Variants in CHRNA6 observed in about 807,000 individuals in gnomAD.
The protein encoded by CHRNA6 is cholinergic receptor nicotinic alpha 6 subunit.
CHRNA6 carries 31 observed loss-of-function variants against 40.9 expected under a neutral mutation model. The observed-to-expected ratio is 0.76, with a 90% CI of 0.57 to 1.02. CHRNA6 has a LOEUF of 1.02. Ranked by LOEUF, CHRNA6 falls within the 50% of genes least tolerant of loss-of-function variation. The probability of loss-of-function intolerance (pLI) is 0.00; values close to 1 mark genes in which losing one functional copy is unlikely to be tolerated. For missense variants in CHRNA6, 546 were observed against 596.6 expected, an observed-to-expected ratio of 0.92 and a Z score of 0.88; for synonymous variants, 222 against 221.3, an observed-to-expected ratio of 1.00 and a Z score of -0.03.
rs920688753 is a variant in CHRNA6 at position 42,760,245 on chromosome 8, T to C, written c.220-1132A>G. 2.6e-5 allele frequency among the ~76,000 whole-genome samples: 4 copies of C among 151,468 alleles called. No individual in the cohort carries two copies. The East Asian group carries it at 7.8e-4, about 30-fold the overall frequency. On this transcript the variant is annotated intron_variant, in intron 2 of 5. Coordinates refer to ENST00000276410, the MANE Select transcript of CHRNA6 (RefSeq NM_004198.3). The stretch of plus-strand genomic sequence containing the variant: ...CACGCACACTCATACACACGCACAC[T>C]CATGCACACTCACACACTCATGCAC...
At position 42,767,258 on chromosome 8, in the gene CHRNA6, C is replaced by T. The variant is rs535590522; in HGVS notation, c.79+1094G>A. On this transcript the variant is annotated intron_variant, in intron 1 of 5. Coordinates refer to ENST00000276410, the MANE Select transcript of CHRNA6 (RefSeq NM_004198.3). Reference sequence around the variant, plus strand: ...CTGGGATTACAGGCATGAGCCACCGCGCCCTGCCACTTGAAACATTTTTAA... The same window carrying T: ...CTGGGATTACAGGCATGAGCCACCGTGCCCTGCCACTTGAAACATTTTTAA... 8.0e-4 allele frequency among the ~76,000 whole-genome samples: 122 copies of T among 152,208 alleles called. 2 individuals carry two copies. The highest frequency in any genetic ancestry group is 1.9e-3 in the Admixed American group (29 of 15,286).
At position 42,757,016 on chromosome 8, in the gene CHRNA6, G is replaced by T; in HGVS notation, c.286C>A (p.Arg96Ser). The T allele has an allele frequency of 3.7e-6, 6 of 1,611,238 alleles. No homozygotes were observed. The highest frequency in any genetic ancestry group is 5.1e-6 in the Non-Finnish European group (6 of 1,177,526). ...CCATCATATTCCATTGGATCCCAGC[G>T]CAATTTATAATCATTCCAGATCTAA... ...LRHIWNDYKL[R>S]WDPMEYDGIE... Residue 96 changes from arginine to serine, a missense_variant, in exon 4 of 6, where the codon CGC becomes AGC. Transcript: ENST00000276410.
intron 2 of CHRNA6, 187 bp downstream of exon 2, chr8:42,764,878 A>G (rs758160280): frequency 4.8e-5 from 29 of 606,836 alleles, no homozygotes; most frequent in Non-Finnish European, 7.9e-5. Context: ...AAGCACTTCC[A>G]GGAAAAACAC....
intron 2 of CHRNA6, 167 bp downstream of exon 2, chr8:42,764,898 C>T (rs796809234): frequency 1.9e-5 from 13 of 668,272 alleles, no homozygotes; most frequent in Admixed American, 1.2e-4. Flanking sequence ...CTGCCTCACA[C>T]AGACAGTTAC....
rs754696130 is a variant in CHRNA6 at position 42,768,399 on chromosome 8, T to C, written c.32A>G (p.His11Arg). 1 of 1,614,088 alleles carries C rather than the reference T, an allele frequency of 6.2e-7. No individual in the cohort carries two copies. Among genetic ancestry groups the C allele is most frequent in the Non-Finnish European group, 8.5e-7 (1 of 1,179,936 alleles). Residue 11 changes from histidine to arginine, a missense_variant, in exon 1 of 6, where the codon CAT (histidine) becomes CGT (arginine). Transcript: ENST00000276410. Reference sequence around the variant, plus strand: ...ACACAGCCAGAGACACAAGCCCCCATGAAGGAATCCCTGCCCCTTGCTGGT... The same window carrying C: ...ACACAGCCAGAGACACAAGCCCCCACGAAGGAATCCCTGCCCCTTGCTGGT... MLTSKGQGFL[H>R]GGLCLWLCVF...
chr8:42,758,704 G>C (rs1018299676), intron 3 of CHRNA6, among the ~76,000 whole-genome samples: 3 of 152,192 alleles, frequency 2.0e-5, no homozygotes, highest in African/African-American at 4.8e-5. Flanking sequence ...GATAAAACCA[G>C]CTGCTGGGAA....
At chr8:42,755,044 T>C (rs987974337) in intron 5 of CHRNA6, among the ~76,000 whole-genome samples, 14 of 150,138 alleles carry the variant, frequency 9.3e-5, no homozygotes, top group Admixed American at 5.9e-4. Context: ...GCAGGGGCTT[T>C]TTTTTTTTTT....
At chr8:42,766,065 G>A (rs1000460628) in intron 1 of CHRNA6, among the ~76,000 whole-genome samples, 19 of 152,172 alleles carry the variant, frequency 1.2e-4, no homozygotes, top group Non-Finnish European at 2.4e-4. Flanking sequence ...TCCCATTACT[G>A]GGTATATACC....
At chr8:42,761,063 C>T (rs1816897827) in intron 2 of CHRNA6, among the ~76,000 whole-genome samples, 1 of 152,172 alleles carries the variant, frequency 6.6e-6, no homozygotes, top group Admixed American at 6.5e-5. Flanking sequence ...TCCCCTGGGC[C>T]ACGTGGCTGC....
rs754167856 is a variant in CHRNA6, at chr8:42,756,947, C to T, written c.355G>A (p.Asp119Asn). ...CCATACTTGTTATAGAGAACAATGT[C>T]GGGCTTCCAAATCTTATCTGCAGGA... Reference protein sequence around the residue: ...RVPADKIWKPDIVLYNNAVGD... With the variant: ...RVPADKIWKPNIVLYNNAVGD... The change falls in exon 4 of 6, where the codon GAC becomes AAC. Residue 119 changes from aspartate (D) to asparagine (N), a missense_variant. Coordinates refer to ENST00000276410, the MANE Select transcript of CHRNA6 (RefSeq NM_004198.3). 1.9e-5 allele frequency: 31 copies of T among 1,613,584 alleles called. No individual in the cohort carries two copies. Among genetic ancestry groups the T allele is most frequent in the African/African-American group, 1.9e-4 (14 of 74,922 alleles).
intron 3 of CHRNA6, 111 bp downstream of exon 3, chr8:42,758,958 C>T: frequency 1.2e-6 from 1 of 844,600 alleles, no homozygotes; most frequent in Non-Finnish European, 2.0e-6. Context: ...TTGGAGATGA[C>T]CTAGTGGATA....
chr8:42,758,064 T>TA (rs1816837285), intron 3 of CHRNA6, among the ~76,000 whole-genome samples: 1 of 151,250 alleles, frequency 6.6e-6, no homozygotes, highest in Non-Finnish European at 1.5e-5. Flanking sequence ...AAAAAAAAAG[T>TA]AAAAATAATA....
At chr8:42,760,048 C>G (rs1020115789) in intron 2 of CHRNA6, among the ~76,000 whole-genome samples, 5 of 152,128 alleles carry the variant, frequency 3.3e-5, no homozygotes, top group African/African-American at 4.8e-5. Context: ...GGGAATACAG[C>G]AATAAGAAGT....
chr8:42,758,405 T>C (rs923213416), intron 3 of CHRNA6, among the ~76,000 whole-genome samples: 2 of 151,952 alleles, frequency 1.3e-5, no homozygotes, highest in African/African-American at 2.4e-5. Flanking sequence ...CTGTTGCCCA[T>C]GCTGGAATGT....
At position 42,756,753 on chromosome 8, in the gene CHRNA6, G is replaced by A; in HGVS notation, c.446C>T (p.Thr149Ile). The part of the protein sequence containing the change: ...LLKYNGMITW[T>I]PPAIFKSSCP... The stretch of plus-strand genomic sequence containing the variant: ...GGAACTCTTAAAAATAGCTGGTGGA[G>A]TCCAGGTTATCATGCCATTGTATTT... Residue 149 changes from threonine (T) to isoleucine (I), a missense_variant, in exon 5 of 6, where the codon ACT (threonine) becomes ATT (isoleucine). By Grantham distance (89) the Thr-to-Ile change is moderately conservative (BLOSUM62 -1). Around this residue, in one of 3 missense-constraint regions of CHRNA6, gnomAD observed 476 missense variants for 494.5 expected, o/e 0.96. Coordinates refer to ENST00000276410, the MANE Select transcript of CHRNA6 (RefSeq NM_004198.3). 1 of 1,613,008 alleles carries A rather than the reference G, an allele frequency of 6.2e-7. No homozygotes were observed. Among genetic ancestry groups the A allele is most frequent in the Non-Finnish European group, 8.5e-7 (1 of 1,179,772 alleles).
Position 42,756,777 on chromosome 8 carries a change from T to C in CHRNA6, c.422A>G (p.Lys141Arg). ...QVEGKTKALLKYNGMITWTPP... is the reference protein window; with the variant it reads ...QVEGKTKALLRYNGMITWTPP... ...AGTCCAGGTTATCATGCCATTGTAT[T>C]TAAGAAGAGCTTTTGTTTTGCCTTC... Residue 141 changes from lysine to arginine, a missense_variant, in exon 5 of 6, where the codon AAA (lysine) becomes AGA (arginine). Transcript: ENST00000276410. The C allele has an allele frequency of 6.2e-7, 1 of 1,609,472 alleles. No individual in the cohort carries two copies. Among genetic ancestry groups the C allele is most frequent in the Non-Finnish European group, 8.5e-7 (1 of 1,178,948 alleles).
At chr8:42,760,377 T>C (rs1406775220) in intron 2 of CHRNA6, among the ~76,000 whole-genome samples, 1 of 150,710 alleles carries the variant, frequency 6.6e-6, no homozygotes, top group Non-Finnish European at 1.5e-5. Context: ...CAAACTCATA[T>C]ACCCACTCAT....
intron 2 of CHRNA6, among the ~76,000 whole-genome samples, chr8:42,760,015 C>G (rs1816873034): frequency 6.6e-6 from 1 of 152,044 alleles, no homozygotes; most frequent in South Asian, 2.1e-4. Flanking sequence ...TATTGAGTAA[C>G]CACTATGTGC....
Position 42,756,140 on chromosome 8 carries a change from C to G in CHRNA6, c.1059G>C (p.Leu353=), listed in dbSNP as rs2128911172. ...TCTTGTCCAGAGGCCACCTCATCAGCAGGACCTGGGGCAGCAGCTTCAGGA... is the reference window on the plus strand; with the variant it reads ...TCTTGTCCAGAGGCCACCTCATCAGGAGGACCTGGGGCAGCAGCTTCAGGA... ...TVFLKLLPQV[L]LMRWPLDKTR... The change falls in exon 5 of 6, where the codon CTG becomes CTC. Residue 353 remains leucine, a synonymous_variant. Coordinates refer to ENST00000276410, the MANE Select transcript of CHRNA6 (RefSeq NM_004198.3). 3 of 1,614,266 alleles carry G rather than the reference C, an allele frequency of 1.9e-6. No homozygotes were observed. The highest frequency in any genetic ancestry group is 1.7e-6 in the Non-Finnish European group (2 of 1,180,040).
Sources: allele counts gnomAD v4.1 joint callset (sites outside exome capture counted in the v4.1 genomes callset), GRCh38; gene constraint gnomAD v4.1.1; regional missense constraint gnomAD v4.1.1; transcripts MANE v1.5; gene names NCBI Gene and HGNC (gene_info 2026-07-23, HGNC 2026-07-21).